Variants in ATXN3 observed in about 807,000 individuals in gnomAD.
ATXN3 encodes the protein ataxin 3.
Under a neutral mutation model 58.2 loss-of-function variants are expected in ATXN3, and 28 were observed. That is an observed-to-expected ratio of 0.48 (90% CI 0.36 to 0.66). The LOEUF (loss-of-function observed/expected upper bound fraction) is 0.66, where lower values mean the gene tolerates loss of function less well. Among genes scored for constraint, ATXN3 ranks in the 30% least tolerant of loss-of-function variants. The pLI is 0.00. For synonymous variants in ATXN3, 113 were observed against 138.5 expected, an observed-to-expected ratio of 0.82 and a Z score of 1.29; for missense variants, 321 against 422.1, an observed-to-expected ratio of 0.76 and a Z score of 2.10.
chr14:92,072,088 T>C (rs773205912), intron 9 of ATXN3, among the ~76,000 whole-genome samples: 9 of 152,226 alleles, frequency 5.9e-5, no homozygotes, highest in Admixed American at 2.6e-4. Context: ...CATTATCAGA[T>C]TTTAAGTAAT....
rs2057924587 is a variant in ATXN3, at chr14:92,063,502, G to C, written c.*818C>G. ...AGGAAAAAATAAGGCGCAGGAAGAA[G>C]GGGTTGCAACAAAGCTGTAAGGTTT... On this transcript the variant is annotated 3_prime_UTR_variant, in exon 11 of 11. Coordinates refer to ENST00000644486, the MANE Select transcript of ATXN3 (RefSeq NM_004993.6). 1 of 152,172 alleles carries C rather than the reference G, an allele frequency of 6.6e-6. No homozygotes were observed. Among genetic ancestry groups the C allele is most frequent in the Non-Finnish European group, 1.5e-5 (1 of 68,022 alleles). 9.4% of individuals were successfully genotyped at this position (152,172 alleles called of 1,614,324 possible).
chr14:92,070,625 T>C, intron 10 of ATXN3: 1 of 722,766 alleles, frequency 1.4e-6, no homozygotes. Flanking sequence ...TTGGAGACTG[T>C]ACAAATTACT....
intron 3 of ATXN3, among the ~76,000 whole-genome samples, chr14:92,094,982 G>A (rs565413341): frequency 7.9e-5 from 12 of 152,064 alleles, no homozygotes; most frequent in Non-Finnish European, 1.0e-4. Context: ...GAGAGGTTCC[G>A]AAAGTACTCT....
At chr14:92,090,681 G>C (rs1352647410) in intron 5 of ATXN3, 2 of 151,956 alleles carry the variant, frequency 1.3e-5, no homozygotes, top group African/African-American at 4.8e-5. Flanking sequence ...CAAAGATAAC[G>C]TAATTCAAAA....
At chr14:92,102,014 A>G (rs958500666) in intron 1 of ATXN3, among the ~76,000 whole-genome samples, 1 of 151,146 alleles carries the variant, frequency 6.6e-6, no homozygotes, top group Non-Finnish European at 1.5e-5. Context: ...TTAGCTGGGC[A>G]TGGTGGCACA....
At chr14:92,073,213 A>T (rs777859825) in intron 9 of ATXN3, among the ~76,000 whole-genome samples, 3 of 152,234 alleles carry the variant, frequency 2.0e-5, no homozygotes, top group Non-Finnish European at 4.4e-5. Flanking sequence ...ATGAGAAGTA[A>T]ATCAATTGTC....
chr14:92,081,099 G>T, intron 8 of ATXN3, 38 bp from the exon 9 acceptor site: 1 of 1,353,292 alleles, frequency 7.4e-7, no homozygotes, highest in Non-Finnish European at 1.1e-6. Context: ...ACCAATCACT[G>T]TATTTACCAA....
chr14:92,089,167 C>T (rs2063212716), intron 5 of ATXN3, among the ~76,000 whole-genome samples: 1 of 151,222 alleles, frequency 6.6e-6, no homozygotes, highest in Non-Finnish European at 1.5e-5. Context: ...CAGGTCTGCA[C>T]CACCACACCC....
At chr14:92,083,959 A>T (rs1412665777) in intron 6 of ATXN3, among the ~76,000 whole-genome samples, 1 of 152,144 alleles carries the variant, frequency 6.6e-6, no homozygotes, top group Non-Finnish European at 1.5e-5. Context: ...TCCTGCCCTC[A>T]AACATCAGAC....
intron 9 of ATXN3, among the ~76,000 whole-genome samples, chr14:92,079,898 C>T (rs56065184): frequency 1.3e-5 from 2 of 152,044 alleles, no homozygotes; most frequent in East Asian, 1.9e-4. Flanking sequence ...CCACCATGCC[C>T]GGCTAATTTT....
intron 9 of ATXN3, among the ~76,000 whole-genome samples, chr14:92,077,928 T>C (rs748996136): frequency 7.2e-5 from 11 of 151,808 alleles, no homozygotes; most frequent in Non-Finnish European, 1.3e-4. Flanking sequence ...ATTACAGACA[T>C]GAGCCACTAC....
intron 5 of ATXN3, chr14:92,090,499 C>G (rs572155598): frequency 6.6e-6 from 1 of 152,168 alleles, no homozygotes; most frequent in Non-Finnish European, 1.5e-5. Context: ...AATATCATGA[C>G]CAACTACTTT....
chr14:92,084,896 T>G (rs2062101960), intron 6 of ATXN3, among the ~76,000 whole-genome samples: 1 of 152,156 alleles, frequency 6.6e-6, no homozygotes, highest in South Asian at 2.1e-4. Context: ...TCTTAAACTT[T>G]GGTGTTTGTT....
rs1265331917 is a variant in ATXN3, at chr14:92,093,666, A to G, written c.320+80T>C. 4 of 1,112,696 alleles carry G rather than the reference A, an allele frequency of 3.6e-6. No homozygotes were observed. The South Asian group carries it at 5.5e-5, about 15-fold the overall frequency. The allele number at this position is 1,112,696 out of a possible 1,614,324, so 68.9% of individuals were successfully genotyped here. On this transcript the variant is annotated intron_variant, in intron 4 of 10. Coordinates refer to ENST00000644486, the MANE Select transcript of ATXN3 (RefSeq NM_004993.6). The stretch of plus-strand genomic sequence containing the variant: ...ATCAAAACAAAAGTATTCAAAATGT[A>G]TTTCTCTTCTTTAAGAAATTACAAC...
chr14:92,075,113 A>T (rs548229374), intron 9 of ATXN3, among the ~76,000 whole-genome samples: 1 of 152,034 alleles, frequency 6.6e-6, no homozygotes, highest in Admixed American at 6.6e-5. Context: ...ATGGCTTGAA[A>T]ATATTATTTA....
chr14:92,045,429 G>A (rs1595424279), intron 2 of ATXN3, among the ~76,000 whole-genome samples: 1 of 152,158 alleles, frequency 6.6e-6, no homozygotes, highest in African/African-American at 2.4e-5. Flanking sequence ...CAGACCCTGT[G>A]GGAAAGGCCT....
At chr14:92,077,388 C>T (rs2060598022) in intron 9 of ATXN3, among the ~76,000 whole-genome samples, 1 of 151,936 alleles carries the variant, frequency 6.6e-6, no homozygotes. Flanking sequence ...GCTCTGTCGC[C>T]CAGACTGGAG....
At position 92,060,825 on chromosome 14, in the gene ATXN3, A is replaced by C. The variant is rs973483229; in HGVS notation, c.*3495T>G. The C allele has an allele frequency of 6.7e-6, 1 of 150,078 alleles. No homozygotes were observed. The highest frequency in any genetic ancestry group is 1.5e-5 in the Non-Finnish European group (1 of 67,768). The allele number at this position is 150,078 out of a possible 1,614,324, so 9.3% of individuals were successfully genotyped here. A position where few individuals can be genotyped will look rare whatever the true frequency, so the allele number is the denominator to read the frequency against. ...TTGGCTCACTGCATCCTCTGTCGCC[A>C]GGGTTCAAGCAATTCTCCTGCCTCA... On this transcript the variant is annotated 3_prime_UTR_variant, in exon 11 of 11. Transcript: ENST00000644486.
In ATXN3 at chr14:92,106,538, GAAGA is replaced by G; in HGVS notation, c.11_14del (p.Ile4ThrfsTer15). On this transcript the variant is annotated frameshift_variant, in exon 1 of 11. Transcript: ENST00000644486. LOFTEE classifies it high-confidence loss of function. ...GAACGCGGACACTCACTTTCTCGTG[GAAGA>G]TGGACTCCATGTTTATTTGTCTGGA... The G allele has an allele frequency of 1.9e-6, 3 of 1,613,394 alleles. No homozygotes were observed. Among genetic ancestry groups the G allele is most frequent in the Non-Finnish European group, 2.5e-6 (3 of 1,179,592 alleles).
Sources: allele counts gnomAD v4.1 joint callset (sites outside exome capture counted in the v4.1 genomes callset), GRCh38; gene constraint gnomAD v4.1.1; transcripts MANE v1.5; gene names NCBI Gene and HGNC (gene_info 2026-07-23, HGNC 2026-07-21).